The following RALY variants were observed in gnomAD, a reference collection of about 807,000 sequenced individuals.
The protein encoded by RALY is RALY heterogeneous nuclear ribonucleoprotein, also known as RNA-binding protein Raly.
In RALY, 15 loss-of-function variants were observed where a neutral mutation model predicts 30.7. The observed-to-expected ratio is 0.49, with a 90% CI of 0.33 to 0.75. RALY has a LOEUF of 0.75. Among genes scored for constraint, RALY ranks in the 30% least tolerant of loss-of-function variants. RALY has a pLI of 0.02. For synonymous variants in RALY, 177 were observed against 170.8 expected, an observed-to-expected ratio of 1.04 and a Z score of -0.28; for missense variants, 339 against 414.3, an observed-to-expected ratio of 0.82 and a Z score of 1.58.
At chr20:34,071,979 G>A (rs957962933) in intron 2 of RALY, 87 bp from the exon 3 acceptor site, 17 of 1,428,668 alleles carry the variant, frequency 1.2e-5, no homozygotes, top group Non-Finnish European at 1.4e-5. Flanking sequence ...GAAGGTAAGA[G>A]GCAATTCATT....
At chr20:34,033,983 A>G (rs1438506981) in intron 2 of RALY, among the ~76,000 whole-genome samples, 4 of 152,138 alleles carry the variant, frequency 2.6e-5, no homozygotes, top group African/African-American at 4.8e-5. Context: ...ACGATTTGCA[A>G]TATGTGTGCT....
chr20:34,023,369 A>G (rs1008283057), intron 1 of RALY, among the ~76,000 whole-genome samples: 28 of 152,146 alleles, frequency 1.8e-4, no homozygotes, highest in African/African-American at 6.0e-4. Context: ...ACGGTGGTCA[A>G]AGCACCAAGG....
chr20:34,076,677 A>G (rs1397521616), intron 6 of RALY, 25 bp from the exon 7 acceptor site: 3 of 1,603,066 alleles, frequency 1.9e-6, no homozygotes, highest in Admixed American at 3.3e-5. Context: ...CCTAGGTGAC[A>G]GCCCTGTCCC....
intron 2 of RALY, among the ~76,000 whole-genome samples, chr20:34,041,198 A>G (rs753170078): frequency 3.9e-5 from 6 of 152,224 alleles, no homozygotes; most frequent in Non-Finnish European, 7.3e-5. Context: ...TTGTATGACC[A>G]ACTCCAAAGT....
chr20:34,004,609 C>T (rs1435432342), intron 1 of RALY, among the ~76,000 whole-genome samples: 2 of 152,192 alleles, frequency 1.3e-5, no homozygotes, highest in Non-Finnish European at 2.9e-5. Context: ...CATAGCCTCT[C>T]AGAGCAGAAC....
intron 1 of RALY, among the ~76,000 whole-genome samples, chr20:34,029,255 T>C (rs936724283): frequency 1.5e-4 from 23 of 151,856 alleles, no homozygotes; most frequent in African/African-American, 5.3e-4. Context: ...CTGACTAACA[T>C]GAAGAAACCC....
intron 2 of RALY, among the ~76,000 whole-genome samples, chr20:34,068,705 C>T (rs576863082): frequency 2.0e-5 from 3 of 152,310 alleles, no homozygotes; most frequent in African/African-American, 4.8e-5. Context: ...ATTTAGAATT[C>T]TTGGACTCAT....
chr20:34,030,243 CTT>C (rs2032218835), intron 1 of RALY, among the ~76,000 whole-genome samples: 1 of 152,234 alleles, frequency 6.6e-6, no homozygotes, highest in African/African-American at 2.4e-5. Context: ...GCTCCACCAT[CTT>C]GTTAGCTGTG....
chr20:34,078,737 G>A (rs1264023420), intron 9 of RALY, among the ~76,000 whole-genome samples, 184 bp downstream of exon 9: 1 of 152,140 alleles, frequency 6.6e-6, no homozygotes, highest in African/African-American at 2.4e-5. Flanking sequence ...CTTGGGGCTT[G>A]CCATGCTGAG....
chr20:34,072,296 A>G lies in RALY; in HGVS notation c.222A>G (p.Gly74=), dbSNP rs1403718478. 6.2e-7 allele frequency: 1 copy of G among 1,613,788 alleles called. No individual in the cohort carries two copies. The highest frequency in any genetic ancestry group is 1.7e-5 in the Admixed American group (1 of 60,018). Residue 74 remains glycine, a synonymous_variant, in exon 3 of 10, where the codon GGA becomes GGG. Coordinates refer to ENST00000246194, the MANE Select transcript of RALY (RefSeq NM_016732.3). The part of the protein sequence containing the change: ...NERHARAAVL[G]ENGRVLAGQT... ...GCCATGCCCGGGCAGCTGTGCTGGG[A>G]GAGAATGGGCGGGTGCTGGCCGGGC...
At chr20:34,072,835 G>C (rs1017429085) in intron 3 of RALY, among the ~76,000 whole-genome samples, 2 of 152,124 alleles carry the variant, frequency 1.3e-5, no homozygotes, top group African/African-American at 2.4e-5. Flanking sequence ...TGTTTGAAAA[G>C]GGGTATCTGT....
chr20:34,082,639 G>A lies in RALY; in HGVS notation c.*2734G>A, dbSNP rs1056693014. The A allele has an allele frequency of 6.6e-6, 1 of 152,294 alleles. No individual in the cohort carries two copies. Among genetic ancestry groups the A allele is most frequent in the Non-Finnish European group, 1.5e-5 (1 of 68,130 alleles). 9.4% of individuals were successfully genotyped at this position (152,294 alleles called of 1,614,324 possible). A position where few individuals can be genotyped will look rare whatever the true frequency, so the allele number is the denominator to read the frequency against. ...CACCGGGTCATATGCTGGACAGGGA[G>A]AACGAGAGTCCCATCCTGGAACTCC... is the stretch of plus-strand genomic sequence containing the variant. On this transcript the variant is annotated 3_prime_UTR_variant, in exon 10 of 10. Coordinates refer to ENST00000246194, the MANE Select transcript of RALY (RefSeq NM_016732.3).
At chr20:34,051,884 C>T (rs1335099044) in intron 2 of RALY, among the ~76,000 whole-genome samples, 1 of 152,174 alleles carries the variant, frequency 6.6e-6, no homozygotes, top group Admixed American at 6.5e-5. Context: ...GGATTACAGG[C>T]GTGAGCCACT....
At chr20:34,031,956 A>G (rs932917920) in intron 2 of RALY, among the ~76,000 whole-genome samples, 1 of 152,126 alleles carries the variant, frequency 6.6e-6, no homozygotes, top group African/African-American at 2.4e-5. Flanking sequence ...ACATGACCTC[A>G]CAGCCCTTAG....
At chr20:34,057,528 A>G (rs975461569) in intron 2 of RALY, among the ~76,000 whole-genome samples, 7 of 152,004 alleles carry the variant, frequency 4.6e-5, no homozygotes, top group East Asian at 3.9e-4. Context: ...TTAGCTGGGC[A>G]TGGTGGCGGG....
intron 7 of RALY, 58 bp downstream of exon 7, chr20:34,076,873 G>A: frequency 6.3e-7 from 1 of 1,596,612 alleles, no homozygotes; most frequent in Non-Finnish European, 8.5e-7. Flanking sequence ...CAGAGCATGG[G>A]GAAATAGTAC....
At chr20:34,001,208 TA>T (rs3216534) in intron 1 of RALY, among the ~76,000 whole-genome samples, 13 of 152,106 alleles carry the variant, frequency 8.5e-5, no homozygotes, top group African/African-American at 2.7e-4. Flanking sequence ...TCCAAGACTA[TA>T]AAAAAATTAC....
At chr20:34,015,578 G>T (rs902488607) in intron 1 of RALY, among the ~76,000 whole-genome samples, 1 of 151,546 alleles carries the variant, frequency 6.6e-6, no homozygotes, top group African/African-American at 2.4e-5. Context: ...GTGTTTTATT[G>T]GCATAGACTT....
chr20:34,055,227 C>T (rs1401169585), intron 2 of RALY, among the ~76,000 whole-genome samples: 7 of 152,134 alleles, frequency 4.6e-5, no homozygotes. Context: ...ATTCTTACCT[C>T]AAAGAGTTGT....
Sources: gnomAD v4.1 joint callset for allele counts (sites outside exome capture counted in the v4.1 genomes callset) on GRCh38, gnomAD v4.1.1 for gene constraint, MANE v1.5 for transcripts, NCBI Gene and HGNC (gene_info 2026-07-23, HGNC 2026-07-21) for gene names.